LRRC37A2: variants seen among roughly 807,000 people sequenced by gnomAD.
LRRC37A2 encodes the protein leucine rich repeat containing 37 member A2, also known as leucine-rich repeat-containing protein 37A2.
LRRC37A2 carries 9 observed loss-of-function variants against 68.8 expected under a neutral mutation model. The observed-to-expected ratio is 0.13, with a 90% confidence interval of 0.08 to 0.23. The LOEUF (loss-of-function observed/expected upper bound fraction) is 0.23. Among genes scored for constraint, LRRC37A2 ranks in the 10% least tolerant of loss-of-function variants. LRRC37A2 has a pLI of 1.00. For missense variants in LRRC37A2, 168 were observed against 950.4 expected, an observed-to-expected ratio of 0.18 and a Z score of 10.82; for synonymous variants, 63 against 367.6, an observed-to-expected ratio of 0.17 and a Z score of 9.48.
the LRRC37A2 span, among the ~76,000 whole-genome samples, chr17:46,825,392 C>A: frequency 6.6e-6 from 1 of 152,254 alleles, no homozygotes; most frequent in Non-Finnish European, 1.5e-5. Context: ...CCCCACCTTC[C>A]GCCTGGGCTC....
the LRRC37A2 span, among the ~76,000 whole-genome samples, chr17:46,942,439 C>G: frequency 6.6e-6 from 1 of 152,176 alleles, no homozygotes; most frequent in African/African-American, 2.4e-5. Flanking sequence ...CACAGGAGTC[C>G]GAGAGGAGCT....
At chr17:46,916,374 C>T in the LRRC37A2 span, among the ~76,000 whole-genome samples, 1 of 152,194 alleles carries the variant, frequency 6.6e-6, no homozygotes, top group Admixed American at 6.5e-5. Flanking sequence ...CCTCCCCTGA[C>T]AACTGATTTC....
the LRRC37A2 span, among the ~76,000 whole-genome samples, chr17:46,496,839 T>C: frequency 0.61 from 70,473 of 116,144 alleles, 24,110 homozygotes; most frequent in Middle Eastern, 0.8. Flanking sequence ...TGCTTGAAGC[T>C]GGGAGGCAGA....
At chr17:46,971,124 G>C in the LRRC37A2 span, among the ~76,000 whole-genome samples, 4 of 152,106 alleles carry the variant, frequency 2.6e-5, no homozygotes, top group South Asian at 4.1e-4. Flanking sequence ...GATCATTTGA[G>C]GTCAGGAGTT....
At chr17:46,874,315 C>A in the LRRC37A2 span, among the ~76,000 whole-genome samples, 1 of 152,144 alleles carries the variant, frequency 6.6e-6, no homozygotes, top group Non-Finnish European at 1.5e-5. Context: ...ATTTGAGAAC[C>A]ATCATGTGTC....
chr17:47,011,716 T>G, the LRRC37A2 span, among the ~76,000 whole-genome samples: 1 of 151,960 alleles, frequency 6.6e-6, no homozygotes, highest in Non-Finnish European at 1.5e-5. Flanking sequence ...AGCCTTTCAG[T>G]TTTCATGGCA....
chr17:46,505,462 TTATC>T, the LRRC37A2 span, among the ~76,000 whole-genome samples: 1 of 94,810 alleles, frequency 1.1e-5, no homozygotes, highest in African/African-American at 4.9e-5. Flanking sequence ...AAAGATTTGT[TTATC>T]TATTTATTAT....
chr17:46,871,113 C>T, the LRRC37A2 span, among the ~76,000 whole-genome samples: 1 of 151,772 alleles, frequency 6.6e-6, no homozygotes, highest in African/African-American at 2.4e-5. Flanking sequence ...GTTTTGCTGT[C>T]ACACAGGCTG....
At chr17:46,887,570 G>C in the LRRC37A2 span, among the ~76,000 whole-genome samples, 1 of 152,152 alleles carries the variant, frequency 6.6e-6, no homozygotes, top group African/African-American at 2.4e-5. Context: ...TTTGAGACCA[G>C]CTTGGCCAAC....
At chr17:47,006,980 C>T in the LRRC37A2 span, among the ~76,000 whole-genome samples, 1 of 152,134 alleles carries the variant, frequency 6.6e-6, no homozygotes, top group African/African-American at 2.4e-5. Context: ...TGTTTTTGTG[C>T]TCCTATTCAT....
chr17:46,902,634 G>T, the LRRC37A2 span, among the ~76,000 whole-genome samples: 1 of 152,078 alleles, frequency 6.6e-6, no homozygotes, highest in Non-Finnish European at 1.5e-5. Context: ...TTGGGTGGGG[G>T]TTGCTGAGAA....
the LRRC37A2 span, among the ~76,000 whole-genome samples, chr17:46,918,823 T>C: frequency 1.3e-5 from 2 of 152,242 alleles, no homozygotes; most frequent in Non-Finnish European, 2.9e-5. Flanking sequence ...TATGTTCTAG[T>C]AACTTCAAAC....
At chr17:47,027,369 C>A in the LRRC37A2 span, among the ~76,000 whole-genome samples, 2 of 151,950 alleles carry the variant, frequency 1.3e-5, no homozygotes, top group Admixed American at 1.3e-4. Context: ...TTATTAAAAC[C>A]ATGAAGGTGA....
At chr17:46,905,830 G>A in the LRRC37A2 span, among the ~76,000 whole-genome samples, 2 of 151,466 alleles carry the variant, frequency 1.3e-5, no homozygotes, top group African/African-American at 2.4e-5. Flanking sequence ...GTTGGGGGAT[G>A]GGGTAAGGGT....
At chr17:47,047,497 C>T in the LRRC37A2 span, among the ~76,000 whole-genome samples, 1 of 146,924 alleles carries the variant, frequency 6.8e-6, no homozygotes, top group Admixed American at 6.8e-5. Context: ...AGGACCAAGA[C>T]AAAGGAATGG....
the LRRC37A2 span, among the ~76,000 whole-genome samples, chr17:46,901,803 A>ATTTTTTTTT: frequency 2.4e-4 from 31 of 128,198 alleles, no homozygotes; most frequent in African/African-American, 6.6e-4. Flanking sequence ...TGGAGCAAGA[A>ATTTTTTTTT]TTTTTTTTTT....
At chr17:46,779,101 A>ACCC in the LRRC37A2 span, among the ~76,000 whole-genome samples, 41 of 140,064 alleles carry the variant, frequency 2.9e-4, no homozygotes, top group East Asian at 5.8e-3. Context: ...ACACACACAC[A>ACCC]CACCCCAGCC....
chr17:46,400,204 G>GC, the LRRC37A2 span, among the ~76,000 whole-genome samples: 1 of 152,026 alleles, frequency 6.6e-6, no homozygotes, highest in Non-Finnish European at 1.5e-5. Flanking sequence ...GCCACTGGAG[G>GC]CCACTAGATG....
the LRRC37A2 span, among the ~76,000 whole-genome samples, chr17:46,836,880 T>C: frequency 6.6e-6 from 1 of 152,240 alleles, no homozygotes; most frequent in African/African-American, 2.4e-5. Flanking sequence ...ACAATTTTGG[T>C]TTGTAAATGA....
Sources: allele counts gnomAD v4.1 joint callset (sites outside exome capture counted in the v4.1 genomes callset), GRCh38; gene constraint gnomAD v4.1.1; transcripts MANE v1.5; gene names NCBI Gene and HGNC (gene_info 2026-07-23, HGNC 2026-07-21).